The following SGCD variants were observed in gnomAD, a reference collection of about 807,000 sequenced individuals.
SGCD encodes delta-sarcoglycan.
SGCD carries 18 observed loss-of-function variants against 36.6 expected under a neutral mutation model. The observed-to-expected ratio is 0.49, with a 90% CI of 0.34 to 0.73. SGCD has a LOEUF of 0.73. Ranked by LOEUF, SGCD falls within the 30% of genes least tolerant of loss-of-function variation. The pLI is 0.01. For missense variants in SGCD, 387 were observed against 346.7 expected, an observed-to-expected ratio of 1.12 and a Z score of -0.92; for synonymous variants, 133 against 130.6, an observed-to-expected ratio of 1.02 and a Z score of -0.12.
At chr5:156,009,312 G>C (rs1758812520) in intron 1 of SGCD, among the ~76,000 whole-genome samples, 1 of 152,148 alleles carries the variant, frequency 6.6e-6, no homozygotes, top group Non-Finnish European at 1.5e-5. Context: ...ACTTGCCCGT[G>C]TCCCCGCCCC....
Position 156,765,949 on chromosome 5 carries a change from G to A in SGCD, c.*6559G>A, listed in dbSNP as rs1441406117. 1 of 150,394 alleles carries A rather than the reference G, an allele frequency of 6.6e-6. No homozygotes were observed. Among genetic ancestry groups the A allele is most frequent in the Non-Finnish European group, 1.5e-5 (1 of 67,790 alleles). 9.3% of individuals were successfully genotyped at this position (150,394 alleles called of 1,614,324 possible). Reference sequence around the variant, plus strand: ...ATACTAAAGTATAGATACCTAAGGGGAAAATATAGAAAGCCTGCCTGAATA... The same window carrying A: ...ATACTAAAGTATAGATACCTAAGGGAAAAATATAGAAAGCCTGCCTGAATA... On this transcript the variant is annotated 3_prime_UTR_variant, in exon 9 of 9. Coordinates refer to ENST00000337851, the MANE Select transcript of SGCD (RefSeq NM_000337.6).
chr5:156,179,351 G>A (rs1321087212), intron 3 of SGCD, among the ~76,000 whole-genome samples: 1 of 151,878 alleles, frequency 6.6e-6, no homozygotes, highest in African/African-American at 2.4e-5. Context: ...CCCATTATAC[G>A]GGTGTACAAT....
At chr5:156,399,551 G>A (rs905483288) in intron 3 of SGCD, among the ~76,000 whole-genome samples, 5 of 152,168 alleles carry the variant, frequency 3.3e-5, no homozygotes, top group African/African-American at 7.2e-5. Context: ...GGGGCTTCCC[G>A]AAAGTGTGTC....
intron 1 of SGCD, among the ~76,000 whole-genome samples, chr5:155,993,943 A>C (rs1400966618): frequency 6.6e-6 from 1 of 152,180 alleles, no homozygotes; most frequent in African/African-American, 2.4e-5. Flanking sequence ...AAAGAGACAT[A>C]GTTTCCACCG....
chr5:156,096,449 TTGGTATGA>T (rs1761377697), intron 1 of SGCD, among the ~76,000 whole-genome samples: 1 of 152,150 alleles, frequency 6.6e-6, no homozygotes, highest in Admixed American at 6.6e-5. Context: ...GAATGGGAGC[TTGGTATGA>T]TGGGTATGCA....
intron 6 of SGCD, among the ~76,000 whole-genome samples, chr5:156,598,084 C>A (rs1233919218): frequency 6.6e-6 from 1 of 152,200 alleles, no homozygotes. Flanking sequence ...AAATCCCTGC[C>A]TATAGACTCC....
chr5:155,850,492 G>T, the SGCD span, among the ~76,000 whole-genome samples: 2 of 152,138 alleles, frequency 1.3e-5, no homozygotes, highest in African/African-American at 4.8e-5. Context: ...GGCTGGTTCT[G>T]CTTTGGCTGA....
At chr5:156,753,750 T>G (rs565348072) in intron 7 of SGCD, among the ~76,000 whole-genome samples, 1 of 152,062 alleles carries the variant, frequency 6.6e-6, no homozygotes, top group Non-Finnish European at 1.5e-5. Context: ...TCAGATCTCA[T>G]GAGAACTCAC....
At chr5:156,234,150 T>A (rs1765094996) in intron 3 of SGCD, among the ~76,000 whole-genome samples, 1 of 152,226 alleles carries the variant, frequency 6.6e-6, no homozygotes, top group African/African-American at 2.4e-5. Context: ...AAGCATGTTT[T>A]TAAATGATTA....
chr5:156,333,381 T>C (rs1183425654), intron 2 of SGCD, among the ~76,000 whole-genome samples: 1 of 152,218 alleles, frequency 6.6e-6, no homozygotes, highest in East Asian at 1.9e-4. Flanking sequence ...AATACAGTAG[T>C]CACTCAATAG....
chr5:156,417,987 G>A (rs1407016156), intron 3 of SGCD, among the ~76,000 whole-genome samples: 1 of 152,142 alleles, frequency 6.6e-6, no homozygotes, highest in African/African-American at 2.4e-5. Flanking sequence ...GATGGTTTGG[G>A]TGACTTTCTT....
chr5:155,993,448 A>G (rs1758477096), intron 1 of SGCD, among the ~76,000 whole-genome samples: 1 of 147,868 alleles, frequency 6.8e-6, no homozygotes, highest in Non-Finnish European at 1.5e-5. Flanking sequence ...GGGCTCAAGC[A>G]TTTCTTGTGC....
chr5:155,852,947 C>T, the SGCD span, among the ~76,000 whole-genome samples: 1 of 152,080 alleles, frequency 6.6e-6, no homozygotes, highest in Non-Finnish European at 1.5e-5. Context: ...CTCCCATTTA[C>T]ATTTTTGTAC....
rs376393608 is a variant in SGCD at position 156,185,845 on chromosome 5, A to ATGTGTGTGTG, written c.-44+61827_-44+61828insGTGTGTGTGT. Among the ~76,000 whole-genome samples the ATGTGTGTGTG allele has an allele frequency of 7.2e-4, 36 of 50,262 alleles. 2 individuals are homozygous for ATGTGTGTGTG. Among genetic ancestry groups the ATGTGTGTGTG allele is most frequent in the African/African-American group, 1.9e-3 (26 of 13,522 alleles). 33.0% of individuals were successfully genotyped at this position (50,262 alleles called of 152,430 possible). On this transcript the variant is annotated intron_variant, in intron 3 of 9. Coordinates refer to the SGCD transcript ENST00000517913. ...TATATGTGTGTGTGTATATATATAT[A>ATGTGTGTGTG]TATATAGAGAGAGAGAGAGAGAGAG... is the stretch of plus-strand genomic sequence containing the variant.
chr5:156,674,655 A>G (rs1005043080), intron 7 of SGCD, among the ~76,000 whole-genome samples: 3 of 152,202 alleles, frequency 2.0e-5, no homozygotes, highest in African/African-American at 4.8e-5. Context: ...CTGCTCTCAT[A>G]TGAAGATTCT....
At chr5:155,884,433 C>G (rs1345719208) in intron 1 of SGCD, among the ~76,000 whole-genome samples, 1 of 152,180 alleles carries the variant, frequency 6.6e-6, no homozygotes, top group African/African-American at 2.4e-5. Context: ...TTTGGCTCAT[C>G]ATCAAGCTTT....
chr5:156,709,743 A>G (rs1376558357), intron 7 of SGCD, among the ~76,000 whole-genome samples: 1 of 152,132 alleles, frequency 6.6e-6, no homozygotes, highest in East Asian at 1.9e-4. Flanking sequence ...GGGTTTGAAA[A>G]GAGCAGAAAT....
chr5:156,456,591 G>A (rs566658719), intron 3 of SGCD, among the ~76,000 whole-genome samples: 2 of 152,276 alleles, frequency 1.3e-5, no homozygotes, highest in African/African-American at 4.8e-5. Context: ...ATAGCAAAGT[G>A]CAAAAGAACA....
chr5:155,974,237 CG>C (rs1758064058), intron 1 of SGCD, among the ~76,000 whole-genome samples: 1 of 152,040 alleles, frequency 6.6e-6, no homozygotes, highest in African/African-American at 2.4e-5. Flanking sequence ...TTTGGGCTCA[CG>C]TGCAGTAGAG....
Sources: allele counts gnomAD v4.1 joint callset (sites outside exome capture counted in the v4.1 genomes callset), GRCh38; gene constraint gnomAD v4.1.1; transcripts MANE v1.5; gene names NCBI Gene and HGNC (gene_info 2026-07-23, HGNC 2026-07-21).